The following FGF14 variants were observed in gnomAD, a reference collection of about 807,000 sequenced individuals.
FGF14 encodes the protein fibroblast growth factor homologous factor 4.
A neutral mutation model predicts 25.5 loss-of-function variants in FGF14; 5 were observed. The ratio of observed to expected loss-of-function variants is 0.20; its 90% CI spans 0.10 to 0.41. The LOEUF (loss-of-function observed/expected upper bound fraction) is 0.41. Ranked by LOEUF, FGF14 falls within the 10% of genes least tolerant of loss-of-function variation. The pLI, the probability that FGF14 is intolerant of heterozygous loss-of-function variation, is 1.00. For missense variants in FGF14, 222 were observed against 320.1 expected (o/e 0.69, Z 2.34); for synonymous variants, 138 against 118.3 (o/e 1.17, Z -1.08).
chr13:102,014,088 A>T (rs1374709326), intron 1 of FGF14, among the ~76,000 whole-genome samples: 1 of 152,178 alleles, frequency 6.6e-6, no homozygotes, highest in Non-Finnish European at 1.5e-5. Flanking sequence ...GTTAATGAAC[A>T]TTAAGGTCAA....
rs1011127898 is a variant in FGF14 at position 102,274,353 on chromosome 13, G to T, written c.208+127118C>A. On this transcript the variant is annotated intron_variant, in intron 1 of 4. Transcript: ENST00000376131. ...TTTTTTAAGTTCCATAAGGAATGCT[G>T]CATGTATCTGTGGCAACATTGTACA... Among the ~76,000 whole-genome samples, 4 of 152,224 alleles carry T rather than the reference G, an allele frequency of 2.6e-5. 1 individual carries two copies.
chr13:102,274,675 G>A (rs1043951253), intron 1 of FGF14, among the ~76,000 whole-genome samples: 1 of 151,842 alleles, frequency 6.6e-6, no homozygotes, highest in African/African-American at 2.4e-5. Context: ...TCAAACAAGG[G>A]GTTCAAACCC....
At position 101,907,207 on chromosome 13, in the gene FGF14, A is replaced by G. The variant is rs180860639; in HGVS notation, c.193+9246T>C. ...AAACACAAATACATGTGATGAAAGG[A>G]ATATTCTTCCCAAGTAAGGAAACAC... is the stretch of plus-strand genomic sequence containing the variant. On this transcript the variant is annotated intron_variant, in intron 1 of 4. Transcript: ENST00000376143. 1.8e-3 allele frequency among the ~76,000 whole-genome samples: 268 copies of G among 152,282 alleles called. 2 individuals are homozygous for G. Among genetic ancestry groups the G allele is most frequent in the African/African-American group, 6.3e-3 (260 of 41,572 alleles).
chr13:102,311,060 TAAA>T (rs2055739351), intron 1 of FGF14, among the ~76,000 whole-genome samples: 1 of 151,890 alleles, frequency 6.6e-6, no homozygotes, highest in Non-Finnish European at 1.5e-5. Flanking sequence ...ACACACAATT[TAAA>T]AAGGATTCGG....
At chr13:102,014,048 T>TA (rs1335603798) in intron 1 of FGF14, among the ~76,000 whole-genome samples, 1 of 152,104 alleles carries the variant, frequency 6.6e-6, no homozygotes, top group Non-Finnish European at 1.5e-5. Flanking sequence ...AAGTATCATT[T>TA]TAAATAAGAA....
intron 1 of FGF14, among the ~76,000 whole-genome samples, chr13:101,938,273 C>A (rs761410296): frequency 6.6e-6 from 1 of 151,616 alleles, no homozygotes; most frequent in African/African-American, 2.4e-5. Context: ...TTGCTTCATA[C>A]ACAACAACAA....
At chr13:102,006,762 G>C (rs1212595448) in intron 1 of FGF14, among the ~76,000 whole-genome samples, 1 of 99,184 alleles carries the variant, frequency 1.0e-5, no homozygotes, top group Admixed American at 1.4e-4. Context: ...TTTTGAGACG[G>C]AGTCTCGCTC....
chr13:102,209,085 C>T (rs892911928), intron 1 of FGF14, among the ~76,000 whole-genome samples: 1 of 152,146 alleles, frequency 6.6e-6, no homozygotes, highest in Admixed American at 6.5e-5. Flanking sequence ...TGCGAGGACG[C>T]GAGGAAGGCA....
At chr13:102,334,938 G>T (rs1311576957) in intron 1 of FGF14, among the ~76,000 whole-genome samples, 4 of 152,064 alleles carry the variant, frequency 2.6e-5, no homozygotes, top group Non-Finnish European at 2.9e-5. Flanking sequence ...TCAATCCACA[G>T]TAAGACCCCA....
At chr13:101,780,361 G>A (rs1319714707) in intron 3 of FGF14, among the ~76,000 whole-genome samples, 1 of 152,100 alleles carries the variant, frequency 6.6e-6, no homozygotes, top group East Asian at 1.9e-4. Context: ...TACTGCTGCT[G>A]ATTTTATAAT....
At chr13:101,873,730 T>A (rs1257900417) in intron 2 of FGF14, among the ~76,000 whole-genome samples, 1 of 152,110 alleles carries the variant, frequency 6.6e-6, no homozygotes, top group Non-Finnish European at 1.5e-5. Context: ...TCAAAGATTG[T>A]CAACTACCAA....
chr13:102,309,730 TC>T (rs1410881530), intron 1 of FGF14, among the ~76,000 whole-genome samples: 1 of 152,194 alleles, frequency 6.6e-6, no homozygotes, highest in Non-Finnish European at 1.5e-5. Flanking sequence ...TATTTATCCA[TC>T]AAAGGGATTA....
chr13:101,953,477 G>C (rs923965698), intron 1 of FGF14, among the ~76,000 whole-genome samples: 5 of 151,224 alleles, frequency 3.3e-5, no homozygotes, highest in African/African-American at 1.2e-4. Context: ...TTCACTCCTG[G>C]ACCACTCTTC....
At chr13:101,860,643 C>A (rs1037980890) in intron 3 of FGF14, among the ~76,000 whole-genome samples, 1 of 151,822 alleles carries the variant, frequency 6.6e-6, no homozygotes, top group Non-Finnish European at 1.5e-5. Flanking sequence ...GTGGTGTGAT[C>A]GCAACTCACT....
At chr13:102,029,246 A>G (rs1204350104) in intron 1 of FGF14, among the ~76,000 whole-genome samples, 4 of 152,072 alleles carry the variant, frequency 2.6e-5, no homozygotes, top group Admixed American at 6.6e-5. Flanking sequence ...TTAAAAGCTG[A>G]TTTGGTTAAT....
At chr13:102,150,759 T>A (rs147586332) in intron 1 of FGF14, among the ~76,000 whole-genome samples, 1 of 152,280 alleles carries the variant, frequency 6.6e-6, no homozygotes, top group East Asian at 1.9e-4. Flanking sequence ...CAGGGAATAT[T>A]TGGCAATCTG....
intron 1 of FGF14, among the ~76,000 whole-genome samples, chr13:101,885,740 A>AG (rs1453757152): frequency 6.6e-6 from 1 of 151,700 alleles, no homozygotes; most frequent in Non-Finnish European, 1.5e-5. Context: ...GGAGAACCAT[A>AG]GGCCAGAGAA....
At chr13:101,728,854 C>A (rs955872088) in intron 3 of FGF14, among the ~76,000 whole-genome samples, 5 of 152,120 alleles carry the variant, frequency 3.3e-5, no homozygotes, top group Admixed American at 3.3e-4. Flanking sequence ...TTGCTACAAA[C>A]ACCAGAAACG....
chr13:102,247,789 CAT>C (rs2051957035), intron 1 of FGF14, among the ~76,000 whole-genome samples: 1 of 152,114 alleles, frequency 6.6e-6, no homozygotes, highest in Non-Finnish European at 1.5e-5. Context: ...CACATGCACA[CAT>C]ATGTTAATTG....
Sources: gnomAD v4.1 joint callset for allele counts (sites outside exome capture counted in the v4.1 genomes callset) on GRCh38, gnomAD v4.1.1 for gene constraint, MANE v1.5 for transcripts, NCBI Gene and HGNC (gene_info 2026-07-23, HGNC 2026-07-21) for gene names.